TENM2: variants seen among roughly 807,000 people sequenced by gnomAD.
TENM2 encodes teneurin-2.
In TENM2, 52 loss-of-function variants were observed where a neutral mutation model predicts 245.2. That is an observed-to-expected ratio of 0.21 (90% CI 0.17 to 0.27). TENM2 has a LOEUF of 0.27. Ranked by LOEUF, TENM2 falls within the 10% of genes least tolerant of loss-of-function variation. The probability of loss-of-function intolerance (pLI) is 1.00; values close to 1 mark genes in which losing one functional copy is unlikely to be tolerated. For missense variants in TENM2, 3,046 were observed against 3,666.8 expected, an observed-to-expected ratio of 0.83 and a Z score of 4.37; for synonymous variants, 1,363 against 1,438.9, an observed-to-expected ratio of 0.95 and a Z score of 1.19.
At chr5:166,999,982 G>C in the TENM2 span, among the ~76,000 whole-genome samples, 1 of 152,096 alleles carries the variant, frequency 6.6e-6, no homozygotes, top group Non-Finnish European at 1.5e-5. Context: ...TGCCAACAGA[G>C]GAGACCCCTG....
chr5:167,223,569 G>C, the TENM2 span, among the ~76,000 whole-genome samples: 6,284 of 151,970 alleles, frequency 0.041, 175 homozygotes, highest in South Asian at 0.072. Flanking sequence ...TTATGTGCCA[G>C]GTTTTCTTTA....
At chr5:167,769,445 G>A (rs1228190445) in intron 2 of TENM2, among the ~76,000 whole-genome samples, 3 of 152,136 alleles carry the variant, frequency 2.0e-5, no homozygotes, top group African/African-American at 4.8e-5. Flanking sequence ...ATTTCTGTAT[G>A]TTAACATCAC....
At chr5:168,010,452 A>C (rs1176744396) in intron 5 of TENM2, among the ~76,000 whole-genome samples, 3 of 152,226 alleles carry the variant, frequency 2.0e-5, no homozygotes, top group Non-Finnish European at 2.9e-5. Flanking sequence ...TCTCAAGTGT[A>C]TAATGAAATA....
chr5:166,981,472 C>T, the TENM2 span, among the ~76,000 whole-genome samples: 283 of 152,208 alleles, frequency 1.9e-3, 1 homozygote, highest in Non-Finnish European at 3.1e-3. Flanking sequence ...ACCCAAGGTA[C>T]CTAAAGCGTC....
intron 3 of TENM2, among the ~76,000 whole-genome samples, chr5:167,876,842 G>C (rs922318145): frequency 6.6e-6 from 1 of 152,042 alleles, no homozygotes; most frequent in Non-Finnish European, 1.5e-5. Flanking sequence ...TCTTATTTTG[G>C]TTTTCTCATT....
chr5:167,360,090 TGAA>T (rs1759611887), intron 1 of TENM2, among the ~76,000 whole-genome samples: 1 of 152,114 alleles, frequency 6.6e-6, no homozygotes, highest in Non-Finnish European at 1.5e-5. Flanking sequence ...ATCTGGGTGA[TGAA>T]GAAATCTGTA....
the TENM2 span, among the ~76,000 whole-genome samples, chr5:167,013,490 C>T: frequency 6.6e-6 from 1 of 151,794 alleles, no homozygotes; most frequent in Non-Finnish European, 1.5e-5. Flanking sequence ...AAAAGCTGAC[C>T]ACATTAATAA....
the TENM2 span, among the ~76,000 whole-genome samples, chr5:167,135,032 G>A: frequency 3.3e-5 from 5 of 152,190 alleles, no homozygotes; most frequent in African/African-American, 1.2e-4. Flanking sequence ...GCGGTGAATT[G>A]CATACACAGT....
the TENM2 span, among the ~76,000 whole-genome samples, chr5:166,988,916 T>C: frequency 6.6e-6 from 1 of 152,198 alleles, no homozygotes; most frequent in African/African-American, 2.4e-5. Flanking sequence ...ATTGATTGAG[T>C]GTCCAACTCC....
chr5:167,134,590 G>A, the TENM2 span, among the ~76,000 whole-genome samples: 3 of 152,180 alleles, frequency 2.0e-5, no homozygotes, highest in Non-Finnish European at 2.9e-5. Flanking sequence ...TGGCAAAGTG[G>A]AATTAGACGC....
rs10078753 is a variant in TENM2 at position 167,480,457 on chromosome 5, A to G, written c.502+104984A>G. On this transcript the variant is annotated intron_variant, in intron 2 of 28. Coordinates refer to ENST00000518659, the Ensembl canonical transcript of TENM2. The stretch of plus-strand genomic sequence containing the variant: ...TGCAGAATTATGCATGTAAATTACT[A>G]AAGAGGAAATGTGAACATGGGATGC... Among the ~76,000 whole-genome samples the G allele has an allele frequency of 9.4e-3, 1,439 of 152,278 alleles. 26 individuals carry two copies. The highest frequency in any genetic ancestry group is 0.033 in the African/African-American group (1,368 of 41,558).
intron 3 of TENM2, among the ~76,000 whole-genome samples, chr5:167,948,427 C>A (rs1779813973): frequency 6.6e-6 from 1 of 152,174 alleles, no homozygotes; most frequent in South Asian, 2.1e-4. Flanking sequence ...TCATTCAAGC[C>A]CTTGATTTTT....
At chr5:167,949,305 C>T (rs560668564) in intron 3 of TENM2, among the ~76,000 whole-genome samples, 22 of 152,216 alleles carry the variant, frequency 1.4e-4, no homozygotes, top group Admixed American at 3.9e-4. Context: ...GTTTTGCTTT[C>T]AAGAGAAGTC....
At chr5:167,216,786 G>T in the TENM2 span, among the ~76,000 whole-genome samples, 1 of 152,110 alleles carries the variant, frequency 6.6e-6, no homozygotes, top group Non-Finnish European at 1.5e-5. Context: ...ACTTAGTCAT[G>T]TGTGGTGGTG....
chr5:168,165,637 T>G (rs1276685831), intron 13 of TENM2, among the ~76,000 whole-genome samples: 22 of 22,606 alleles, frequency 9.7e-4, no homozygotes, highest in East Asian at 2.6e-3. Context: ...CAATTCAGGA[T>G]CCCCCCCCCA....
the TENM2 span, among the ~76,000 whole-genome samples, chr5:167,217,827 G>C: frequency 6.6e-6 from 1 of 151,296 alleles, no homozygotes; most frequent in East Asian, 1.9e-4. Flanking sequence ...TGCCAGCCTT[G>C]GAAGTCCATA....
chr5:167,444,290 CAT>C, intron 2 of TENM2, among the ~76,000 whole-genome samples: 1 of 63,578 alleles, frequency 1.6e-5, no homozygotes, highest in Admixed American at 2.1e-4. Context: ...CACATGCACA[CAT>C]ACACATACAC....
intron 2 of TENM2, among the ~76,000 whole-genome samples, chr5:167,737,140 G>A (rs1216803053): frequency 6.6e-6 from 1 of 152,054 alleles, no homozygotes; most frequent in African/African-American, 2.4e-5. Context: ...TTAACCTCTG[G>A]GTACTTAGCC....
chr5:167,920,948 T>C lies in TENM2; in HGVS notation c.713-31640T>C, dbSNP rs548855011. On this transcript the variant is annotated intron_variant, in intron 3 of 28. Coordinates refer to ENST00000518659, the Ensembl canonical transcript of TENM2. The stretch of plus-strand genomic sequence containing the variant: ...TTTGAAACTAGGTTATTATCCTCTC[T>C]CACCCATGCTTATCTCCCAAATTCT... 3.3e-5 allele frequency among the ~76,000 whole-genome samples: 5 copies of C among 152,322 alleles called. No individual in the cohort carries two copies. The East Asian group carries it at 9.7e-4, about 29-fold the overall frequency.
Sources: allele counts gnomAD v4.1 joint callset (sites outside exome capture counted in the v4.1 genomes callset), GRCh38; gene constraint gnomAD v4.1.1; transcripts MANE v1.5; gene names NCBI Gene and HGNC (gene_info 2026-07-23, HGNC 2026-07-21).